The following ZZEF1 variants were observed in gnomAD, a reference collection of about 807,000 sequenced individuals.
The protein encoded by ZZEF1 is zinc finger ZZ-type and EF-hand domain-containing protein 1.
ZZEF1 carries 157 observed loss-of-function variants against 342.8 expected under a neutral mutation model. The ratio of observed to expected loss-of-function variants is 0.46; its 90% confidence interval spans 0.40 to 0.52. The LOEUF (loss-of-function observed/expected upper bound fraction) is 0.52. Ranked by LOEUF, ZZEF1 falls within the 20% of genes least tolerant of loss-of-function variation. The pLI, the probability that ZZEF1 is intolerant of heterozygous loss-of-function variation, is 0.00. For missense variants in ZZEF1, 3,480 were observed against 3,725.6 expected (o/e 0.93, Z 1.72); for synonymous variants, 1,505 against 1,429.1 (o/e 1.05, Z -1.20).
At chr17:4,027,153 G>T (rs538864687) in intron 42 of ZZEF1, among the ~76,000 whole-genome samples, 1 of 152,126 alleles carries the variant, frequency 6.6e-6, no homozygotes, top group East Asian at 1.9e-4. Context: ...TTTTTAGGGG[G>T]TGGTAGAAGA....
At chr17:4,044,930 G>A (rs751215692) in intron 37 of ZZEF1, among the ~76,000 whole-genome samples, 11 of 152,104 alleles carry the variant, frequency 7.2e-5, no homozygotes, top group Non-Finnish European at 1.3e-4. Context: ...AAGGCGGGCA[G>A]ATCCCTTGAG....
intron 5 of ZZEF1, among the ~76,000 whole-genome samples, chr17:4,112,079 T>C (rs1597908897): frequency 1.8e-5 from 1 of 54,222 alleles, no homozygotes; most frequent in Non-Finnish European, 3.5e-5. Flanking sequence ...TATATATATA[T>C]ATATATATAT....
At chr17:4,024,027 C>T (rs910836570) in intron 43 of ZZEF1, among the ~76,000 whole-genome samples, 5 of 152,090 alleles carry the variant, frequency 3.3e-5, no homozygotes, top group Admixed American at 1.3e-4. Context: ...CAGCCTTCAA[C>T]TGAGCTCCTC....
intron 33 of ZZEF1, 93 bp downstream of exon 33, chr17:4,056,123 T>G: frequency 7.5e-7 from 1 of 1,328,430 alleles, no homozygotes; most frequent in Non-Finnish European, 9.8e-7. Flanking sequence ...TGCAGCCCTC[T>G]CAGGTAAGAG....
chr17:4,105,988 C>T (rs1312171208), intron 6 of ZZEF1, among the ~76,000 whole-genome samples, 179 bp from the exon 7 acceptor site: 1 of 152,158 alleles, frequency 6.6e-6, no homozygotes, highest in African/African-American at 2.4e-5. Context: ...CTCGCTCTAT[C>T]ACCCAGGCTA....
intron 39 of ZZEF1, among the ~76,000 whole-genome samples, chr17:4,034,998 C>CA (rs1313907017): frequency 6.6e-6 from 1 of 151,936 alleles, no homozygotes; most frequent in Non-Finnish European, 1.5e-5. Flanking sequence ...GACTCCGTCT[C>CA]AAAAAACAAA....
At chr17:4,093,970 C>T (rs2057990800) in intron 11 of ZZEF1, among the ~76,000 whole-genome samples, 2 of 152,146 alleles carry the variant, frequency 1.3e-5, no homozygotes, top group African/African-American at 4.8e-5. Flanking sequence ...ACATTATTTT[C>T]CCTTGGCTTC....
intron 3 of ZZEF1, among the ~76,000 whole-genome samples, chr17:4,115,775 T>C (rs1232748093): frequency 2.6e-5 from 4 of 152,190 alleles, no homozygotes; most frequent in Admixed American, 2.6e-4. Flanking sequence ...TGTTATAAAA[T>C]TTATTTTTGT....
rs760160226 is a variant in ZZEF1 at position 4,021,214 on chromosome 17, C to T, written c.7319G>A (p.Arg2440Gln). 8 of 1,614,062 alleles carry T rather than the reference C, an allele frequency of 5.0e-6. 1 individual carries two copies. The highest frequency in any genetic ancestry group is 1.6e-4 in the Middle Eastern group (1 of 6,084). Reference sequence around the variant, plus strand: ...TGGGTCGCCAGGGCTGCTGACTGGCCGTTCCACCTCTTCCTCTCGGTCCCC... The same window carrying T: ...TGGGTCGCCAGGGCTGCTGACTGGCTGTTCCACCTCTTCCTCTCGGTCCCC... ...ERGDREEEVE[R>Q]PVSSPGDPEQ... Residue 2440 changes from arginine to glutamine, a missense_variant, in exon 45 of 55, where the codon CGG (arginine) becomes CAG (glutamine). By Grantham distance (43) the Arg-to-Gln change is conservative. Around this residue, in one of 5 missense-constraint regions of ZZEF1, gnomAD observed 1,269 missense variants for 1,342.4 expected, o/e 0.95. Coordinates refer to ENST00000381638, the MANE Select transcript of ZZEF1 (RefSeq NM_015113.4).
Position 4,025,110 on chromosome 17 carries a change from A to G in ZZEF1, c.6901T>C (p.Tyr2301His), listed in dbSNP as rs34357158. Residue 2301 changes from tyrosine to histidine, a missense_variant, in exon 43 of 55, where the codon TAC (tyrosine) becomes CAC (histidine). Transcript: ENST00000381638. Reference sequence around the variant, plus strand: ...CCTCCTCCCTTCTGGACCAGCTGGTAGTCCTTCACTGAAGGGTGACATCAG... The same window carrying G: ...CCTCCTCCCTTCTGGACCAGCTGGTGGTCCTTCACTGAAGGGTGACATCAG... Reference protein sequence around the residue: ...KTRKRKTVKDYQLVQKGGGQE... With the variant: ...KTRKRKTVKDHQLVQKGGGQE... The G allele has an allele frequency of 1.2e-6, 2 of 1,614,100 alleles. No individual in the cohort carries two copies. Among genetic ancestry groups the G allele is most frequent in the Non-Finnish European group, 1.7e-6 (2 of 1,180,018 alleles).
chr17:4,078,074 G>A lies in ZZEF1; in HGVS notation c.2830-32C>T, dbSNP rs200992240. The A allele has an allele frequency of 4.1e-4, 654 of 1,598,848 alleles. 3 individuals carry two copies. The Middle Eastern group carries it at 0.012, about 28-fold the overall frequency. On this transcript the variant is annotated intron_variant, in intron 18 of 54. Transcript: ENST00000381638. ...GGGAGGAGACAAACAGAAAGTGTTC[G>A]TGACAAGGCCATTCACAGAGCATAG...
At chr17:4,121,096 A>T (rs887091828) in intron 2 of ZZEF1, among the ~76,000 whole-genome samples, 1 of 152,200 alleles carries the variant, frequency 6.6e-6, no homozygotes, top group African/African-American at 2.4e-5. Flanking sequence ...TGAGCCTGCT[A>T]TGTAAGTGCC....
intron 1 of ZZEF1, among the ~76,000 whole-genome samples, chr17:4,128,825 G>A (rs2058618701): frequency 7.2e-6 from 1 of 139,490 alleles, no homozygotes. Context: ...AGACTGGAGT[G>A]CAGTGGTGGG....
chr17:4,018,365 T>G (rs2056172586), intron 46 of ZZEF1, among the ~76,000 whole-genome samples: 1 of 152,166 alleles, frequency 6.6e-6, no homozygotes, highest in African/African-American at 2.4e-5. Context: ...CCTGCCTGCC[T>G]CAGCCTCCCT....
Position 4,006,833 on chromosome 17 carries a change from G to A in ZZEF1, c.*57C>T. ...GGAGTTTTCCTGAATGAGGTTAGAT[G>A]TCTGCTCTAAAATCCCTGTGGCAGA... On this transcript the variant is annotated 3_prime_UTR_variant, in exon 55 of 55. Transcript: ENST00000381638. 1 of 1,528,526 alleles carries A rather than the reference G, an allele frequency of 6.5e-7. No homozygotes were observed. 94.7% of individuals were successfully genotyped at this position (1,528,526 alleles called of 1,614,324 possible). A position where few individuals can be genotyped will look rare whatever the true frequency, so the allele number is the denominator to read the frequency against.
intron 45 of ZZEF1, among the ~76,000 whole-genome samples, chr17:4,020,408 C>G (rs979762529): frequency 2.0e-5 from 3 of 152,220 alleles, no homozygotes; most frequent in African/African-American, 7.2e-5. Context: ...TGCAAACTCT[C>G]CTGCAAAATC....
At chr17:4,083,846 C>G (rs1273307779) in intron 16 of ZZEF1, among the ~76,000 whole-genome samples, 1 of 152,136 alleles carries the variant, frequency 6.6e-6, no homozygotes, top group Non-Finnish European at 1.5e-5. Context: ...CCATAGACCA[C>G]TTTTCTTATG....
chr17:4,124,988 T>C (rs2058550982), intron 1 of ZZEF1, among the ~76,000 whole-genome samples: 1 of 152,224 alleles, frequency 6.6e-6, no homozygotes, highest in African/African-American at 2.4e-5. Context: ...ATCTGAAAGA[T>C]GCAGCGAATA....
chr17:4,083,078 T>C (rs940087462), intron 16 of ZZEF1, among the ~76,000 whole-genome samples: 1 of 152,164 alleles, frequency 6.6e-6, no homozygotes, highest in Non-Finnish European at 1.5e-5. Context: ...ACCCAGCTGA[T>C]AATATACTTT....
Sources: gnomAD v4.1 joint callset for allele counts (sites outside exome capture counted in the v4.1 genomes callset) on GRCh38, gnomAD v4.1.1 for gene constraint, gnomAD v4.1.1 regional missense constraint, MANE v1.5 for transcripts, NCBI Gene and HGNC (gene_info 2026-07-23, HGNC 2026-07-21) for gene names.